The following SRSF12 variants were observed in gnomAD, a reference collection of about 807,000 sequenced individuals.
SRSF12 encodes the protein serine/arginine-rich splicing factor 12.
Under a neutral mutation model 34.1 loss-of-function variants are expected in SRSF12, and 21 were observed. The observed-to-expected ratio is 0.62, with a 90% CI of 0.44 to 0.89. SRSF12 has a LOEUF of 0.89. SRSF12 is among the 40% of genes least tolerant of loss of function. The pLI is 0.00. For missense variants in SRSF12, 278 were observed against 327.8 expected (o/e 0.85, Z 1.17); for synonymous variants, 111 against 110.8 (o/e 1.00, Z -0.01).
rs1292924942 is a variant in SRSF12 at position 89,107,173 on chromosome 6, T to C, written c.151A>G (p.Arg51Gly). 1 of 1,614,110 alleles carries C rather than the reference T, an allele frequency of 6.2e-7. No individual in the cohort carries two copies. The change falls in exon 2 of 5, where the codon AGA becomes GGA. Residue 51 changes from arginine to glycine, a missense_variant. Arg to Gly is a moderately radical substitution (Grantham distance 125). Transcript: ENST00000452027. ...IPLDFYTRRP[R>G]GFAYVQFEDV... ...GGATATTGAACATAAGCAAATCCTC[T>C]TGGGCGGCGAGTGTAGAAGTCAAGT...
At chr6:89,106,773 T>C (rs1768807974) in intron 2 of SRSF12, 1 of 347,366 alleles carries the variant, frequency 2.9e-6, no homozygotes, top group African/African-American at 2.1e-5. Context: ...AAATCAGACT[T>C]GGCTTTGACT....
At chr6:89,100,229 C>T (rs746625666) in intron 4 of SRSF12, among the ~76,000 whole-genome samples, 13 of 152,094 alleles carry the variant, frequency 8.5e-5, no homozygotes, top group East Asian at 1.9e-4. Context: ...TCAAGAACTG[C>T]GCTGAAATTT....
chr6:89,113,793 C>A (rs191908451), intron 1 of SRSF12, among the ~76,000 whole-genome samples: 316 of 152,204 alleles, frequency 2.1e-3, no homozygotes, highest in South Asian at 3.5e-3. Flanking sequence ...CAGGTGCGCA[C>A]TACCACACCT....
chr6:89,107,088 GA>G lies in SRSF12; in HGVS notation c.170+65del. 2.3e-6 allele frequency: 3 copies of G among 1,314,768 alleles called. No individual in the cohort carries two copies. In the South Asian group the frequency reaches 3.5e-5, roughly 15 times the overall value. The allele number at this position is 1,314,768 out of a possible 1,614,324, so 81.4% of individuals were successfully genotyped here. ...TATTAATCTCATAACATATGCTACTGAATACATATATGTATAAGCACGCATA... is the reference window on the plus strand; with the variant it reads ...TATTAATCTCATAACATATGCTACTGATACATATATGTATAAGCACGCATA... On this transcript the variant is annotated intron_variant, in intron 2 of 4. Transcript: ENST00000452027.
At chr6:89,112,570 G>A (rs757678431) in intron 1 of SRSF12, among the ~76,000 whole-genome samples, 76 of 147,778 alleles carry the variant, frequency 5.1e-4, no homozygotes, top group Non-Finnish European at 5.6e-4. Context: ...GCATCACCAT[G>A]CCCGGCTAAC....
chr6:89,111,151 C>A (rs574715559), intron 1 of SRSF12, among the ~76,000 whole-genome samples: 273 of 151,456 alleles, frequency 1.8e-3, no homozygotes, highest in Non-Finnish European at 1.3e-3. Flanking sequence ...CTTTGTCACC[C>A]AGACTGGAGT....
intron 1 of SRSF12, among the ~76,000 whole-genome samples, chr6:89,115,636 T>TC (rs1248176747): frequency 7.0e-6 from 1 of 143,764 alleles, no homozygotes; most frequent in African/African-American, 2.6e-5. Context: ...TCTTTCTTTT[T>TC]TTTTTTTTTT....
Position 89,105,224 on chromosome 6 carries a change from C to T in SRSF12, c.311G>A (p.Cys104Tyr), listed in dbSNP as rs766692921. ...TGATCTCCTGTGATCACTTGGAGAACAAGGATGACGTTCTTTTGATTTCAT... is the reference window on the plus strand; with the variant it reads ...TGATCTCCTGTGATCACTTGGAGAATAAGGATGACGTTCTTTTGATTTCAT... The part of the protein sequence containing the change: ...GQMKSKERHP[C>Y]SPSDHRRSRS... The change falls in exon 4 of 5, where the codon TGT becomes TAT. Residue 104 changes from cysteine (C) to tyrosine (Y), a missense_variant. Cys to Tyr is a radical substitution (Grantham distance 194). Transcript: ENST00000452027. The T allele has an allele frequency of 5.3e-5, 86 of 1,611,616 alleles. No homozygotes were observed. The Admixed American group carries it at 1.4e-3, about 26-fold the overall frequency.
At chr6:89,112,991 G>A (rs538802888) in intron 1 of SRSF12, among the ~76,000 whole-genome samples, 10 of 152,042 alleles carry the variant, frequency 6.6e-5, no homozygotes, top group East Asian at 1.9e-4. Context: ...TAGAAGCAAC[G>A]GGCCACACCA....
At chr6:89,115,864 T>C (rs979492603) in intron 1 of SRSF12, among the ~76,000 whole-genome samples, 2 of 150,612 alleles carry the variant, frequency 1.3e-5, no homozygotes, top group Non-Finnish European at 3.0e-5. Context: ...TTCCATCTCC[T>C]GACCTCGTGA....
intron 1 of SRSF12, among the ~76,000 whole-genome samples, chr6:89,110,628 G>A (rs1003623976): frequency 3.3e-5 from 5 of 152,134 alleles, no homozygotes; most frequent in Admixed American, 1.3e-4. Context: ...GTAGAGAGGT[G>A]GAGTTCTCCT....
At chr6:89,115,826 G>A (rs1351649682) in intron 1 of SRSF12, among the ~76,000 whole-genome samples, 1 of 151,202 alleles carries the variant, frequency 6.6e-6, no homozygotes, top group East Asian at 2.0e-4. Flanking sequence ...TAGTAGAGAC[G>A]GGGTTTCATC....
At chr6:89,101,119 A>C (rs1419492470) in intron 4 of SRSF12, among the ~76,000 whole-genome samples, 1 of 151,680 alleles carries the variant, frequency 6.6e-6, no homozygotes, top group Non-Finnish European at 1.5e-5. Context: ...CAAAAAAAAA[A>C]AAAAAAGAAA....
At chr6:89,100,421 T>C (rs1353214232) in intron 4 of SRSF12, among the ~76,000 whole-genome samples, 3 of 151,960 alleles carry the variant, frequency 2.0e-5, no homozygotes, top group African/African-American at 7.3e-5. Flanking sequence ...AAGATCAAAG[T>C]GATCTGCCAG....
intron 2 of SRSF12, chr6:89,106,948 G>A (rs1235402925): frequency 1.6e-6 from 1 of 611,466 alleles, no homozygotes; most frequent in East Asian, 3.5e-5. Context: ...TCGCCTGCTG[G>A]GTTTATGCTT....
chr6:89,113,560 C>T (rs779535967), intron 1 of SRSF12, among the ~76,000 whole-genome samples: 35 of 152,160 alleles, frequency 2.3e-4, no homozygotes, highest in Admixed American at 1.6e-3. Context: ...CCACGTGCCT[C>T]GGCCTCCCAA....
At position 89,117,974 on chromosome 6, in the gene SRSF12, C is replaced by G; in HGVS notation, c.-87G>C. The G allele has an allele frequency of 7.1e-7, 1 of 1,400,754 alleles. No homozygotes were observed. The highest frequency in any genetic ancestry group is 9.6e-7 in the Non-Finnish European group (1 of 1,044,062). The allele number at this position is 1,400,754 out of a possible 1,614,324, so 86.8% of individuals were successfully genotyped here. Reference sequence around the variant, plus strand: ...TACCGCTGCTACCACCACAGGAGCTCCGCCGGCCCCCGGCGCGACCCCCAC... The same window carrying G: ...TACCGCTGCTACCACCACAGGAGCTGCGCCGGCCCCCGGCGCGACCCCCAC... On this transcript the variant is annotated 5_prime_UTR_variant, in exon 1 of 5. Transcript: ENST00000452027.
intron 1 of SRSF12, among the ~76,000 whole-genome samples, chr6:89,115,951 T>C (rs547794822): frequency 6.6e-6 from 1 of 150,856 alleles, no homozygotes; most frequent in Non-Finnish European, 1.5e-5. Context: ...GGGATTTTCA[T>C]ATGATTCAAC....
At chr6:89,107,600 G>A (rs930853345) in intron 1 of SRSF12, among the ~76,000 whole-genome samples, 2 of 151,968 alleles carry the variant, frequency 1.3e-5, no homozygotes, top group Non-Finnish European at 2.9e-5. Flanking sequence ...GTGTGGTAGC[G>A]TGTGCCTGTA....
Sources: gnomAD v4.1 joint callset for allele counts (sites outside exome capture counted in the v4.1 genomes callset) on GRCh38, gnomAD v4.1.1 for gene constraint, MANE v1.5 for transcripts, NCBI Gene and HGNC (gene_info 2026-07-23, HGNC 2026-07-21) for gene names.